Variants in DCC observed in about 807,000 individuals in gnomAD.
DCC encodes the protein netrin receptor DCC.
In DCC, 58 loss-of-function variants were observed where a neutral mutation model predicts 172.5. That is an observed-to-expected ratio of 0.34 (90% CI 0.27 to 0.42). The LOEUF is 0.42. Ranked by LOEUF, DCC falls within the 10% of genes least tolerant of loss-of-function variation. The pLI, the probability that DCC is intolerant of heterozygous loss-of-function variation, is 1.00. For missense variants in DCC, 1,740 were observed against 1,791.0 expected, an observed-to-expected ratio of 0.97 and a Z score of 0.51; for synonymous variants, 709 against 644.5, an observed-to-expected ratio of 1.10 and a Z score of -1.52.
At chr18:52,914,532 C>T (rs1195480029) in intron 3 of DCC, among the ~76,000 whole-genome samples, 1 of 127,194 alleles carries the variant, frequency 7.9e-6, no homozygotes, top group African/African-American at 2.7e-5. Context: ...CTTCTTTCTC[C>T]CTCCATGTCC....
At chr18:53,418,223 G>T (rs936041622) in intron 21 of DCC, among the ~76,000 whole-genome samples, 3 of 152,142 alleles carry the variant, frequency 2.0e-5, no homozygotes, top group Non-Finnish European at 4.4e-5. Context: ...AGGGACTGAT[G>T]ACATATAATT....
chr18:52,953,015 A>G lies in DCC; in HGVS notation c.985+27645A>G, dbSNP rs1046665522. 3.3e-5 allele frequency among the ~76,000 whole-genome samples: 5 copies of G among 150,748 alleles called. No individual in the cohort carries two copies. The East Asian group carries it at 5.8e-4, about 18-fold the overall frequency. On this transcript the variant is annotated intron_variant, in intron 5 of 28. Transcript: ENST00000442544. ...TCTCCTGTCTCAAAAAAAAAAAAAA[A>G]AAAAAAAAAAAAACTCATAACATTG...
chr18:53,369,001 A>G (rs2144951809), intron 15 of DCC, among the ~76,000 whole-genome samples: 1 of 152,098 alleles, frequency 6.6e-6, no homozygotes, highest in African/African-American at 2.4e-5. Context: ...TAGAGATTGC[A>G]TTGAATCTGT....
chr18:53,039,428 G>C (rs1002456548), intron 5 of DCC, among the ~76,000 whole-genome samples: 17 of 151,972 alleles, frequency 1.1e-4, no homozygotes, highest in African/African-American at 4.1e-4. Context: ...TTCATTCTCT[G>C]TAAGGAATAT....
chr18:53,460,416 T>C (rs2045542752), intron 24 of DCC, among the ~76,000 whole-genome samples: 1 of 137,502 alleles, frequency 7.3e-6, no homozygotes, highest in East Asian at 2.2e-4. Context: ...TATCTCCCAG[T>C]GCTATCCCTC....
chr18:52,395,759 A>G (rs1986201514), intron 1 of DCC, among the ~76,000 whole-genome samples: 1 of 151,946 alleles, frequency 6.6e-6, no homozygotes, highest in Non-Finnish European at 1.5e-5. Context: ...CATCACATCT[A>G]TTACGGGTCA....
At chr18:53,354,998 G>C (rs939697408) in intron 15 of DCC, among the ~76,000 whole-genome samples, 1 of 152,038 alleles carries the variant, frequency 6.6e-6, no homozygotes, top group East Asian at 1.9e-4. Flanking sequence ...CATATGGCTA[G>C]CCAGTTTTCC....
intron 12 of DCC, among the ~76,000 whole-genome samples, chr18:53,257,324 A>G (rs1344783841): frequency 6.6e-6 from 1 of 152,172 alleles, no homozygotes; most frequent in Non-Finnish European, 1.5e-5. Flanking sequence ...GTTTTTGCCC[A>G]TTCAGTATGA....
In DCC at chr18:53,320,070, CTT is replaced by C. The variant is rs35150045; in HGVS notation, c.2054-1958_2054-1957del. Among the ~76,000 whole-genome samples, 438 of 109,570 alleles carry C rather than the reference CTT, an allele frequency of 4.0e-3. 1 individual carries two copies. Among genetic ancestry groups the C allele is most frequent in the Middle Eastern group, 0.011 (2 of 174 alleles). 71.9% of individuals were successfully genotyped at this position (109,570 alleles called of 152,430 possible). ...TAAACTTCTACATAACGCAAGAGTACTTTTTTTTTTTTTTTTTTTTGAGATGG... is the reference window on the plus strand; with the variant it reads ...TAAACTTCTACATAACGCAAGAGTACTTTTTTTTTTTTTTTTTTGAGATGG... On this transcript the variant is annotated intron_variant, in intron 13 of 28. Coordinates refer to ENST00000442544, the MANE Select transcript of DCC (RefSeq NM_005215.4).
chr18:52,353,535 A>G (rs1430136568), intron 1 of DCC, among the ~76,000 whole-genome samples: 1 of 152,170 alleles, frequency 6.6e-6, no homozygotes, highest in Non-Finnish European at 1.5e-5. Flanking sequence ...TTGATTGGGG[A>G]TGGTCTTCAG....
chr18:53,311,048 C>T (rs1003842333), intron 13 of DCC, among the ~76,000 whole-genome samples: 16 of 150,594 alleles, frequency 1.1e-4, no homozygotes, highest in Non-Finnish European at 1.5e-4. Flanking sequence ...TCCTGACAAA[C>T]ATAGCAGGAA....
intron 7 of DCC, among the ~76,000 whole-genome samples, chr18:53,102,498 C>T (rs1022056144): frequency 6.6e-6 from 1 of 151,984 alleles, no homozygotes; most frequent in South Asian, 2.1e-4. Flanking sequence ...AGCCCTCTGC[C>T]TAATTTTTTG....
intron 2 of DCC, among the ~76,000 whole-genome samples, chr18:52,865,847 C>T (rs187333590): frequency 3.5e-4 from 53 of 151,672 alleles, no homozygotes; most frequent in Admixed American, 3.3e-3. Context: ...TATTCGAATA[C>T]CCTGTTCACT....
intron 5 of DCC, among the ~76,000 whole-genome samples, chr18:52,982,415 T>G (rs2041226804): frequency 6.6e-6 from 1 of 152,084 alleles, no homozygotes; most frequent in African/African-American, 2.4e-5. Flanking sequence ...GACTGCAGAG[T>G]TGAGCCAGGG....
chr18:52,850,686 A>AC (rs2038961965), intron 2 of DCC, among the ~76,000 whole-genome samples: 1 of 152,006 alleles, frequency 6.6e-6, no homozygotes, highest in Non-Finnish European at 1.5e-5. Context: ...TTACACATTC[A>AC]CCCCCCAGTA....
At chr18:53,242,980 T>C (rs759210409) in intron 12 of DCC, among the ~76,000 whole-genome samples, 2 of 151,890 alleles carry the variant, frequency 1.3e-5, no homozygotes, top group Non-Finnish European at 2.9e-5. Flanking sequence ...GGCAGTACCA[T>C]AAGTGGTAGG....
At chr18:52,753,362 G>T (rs1363174078) in intron 2 of DCC, among the ~76,000 whole-genome samples, 2 of 152,134 alleles carry the variant, frequency 1.3e-5, no homozygotes, top group Non-Finnish European at 2.9e-5. Flanking sequence ...TCAACTGGCT[G>T]CGTAAAGTTA....
At chr18:53,254,197 C>G (rs151080615) in intron 12 of DCC, among the ~76,000 whole-genome samples, 1 of 152,126 alleles carries the variant, frequency 6.6e-6, no homozygotes, top group East Asian at 1.9e-4. Context: ...AAAAAGTCAT[C>G]TGAGCAACAG....
At chr18:53,301,287 C>G (rs1361965667) in intron 12 of DCC, among the ~76,000 whole-genome samples, 2 of 151,820 alleles carry the variant, frequency 1.3e-5, no homozygotes, top group African/African-American at 2.4e-5. Flanking sequence ...TGGGGTTTCT[C>G]CATGCTGGTC....
Sources: gnomAD v4.1 joint callset for allele counts (sites outside exome capture counted in the v4.1 genomes callset) on GRCh38, gnomAD v4.1.1 for gene constraint, MANE v1.5 for transcripts, NCBI Gene and HGNC (gene_info 2026-07-23, HGNC 2026-07-21) for gene names.